The following BAHCC1 variants were observed in gnomAD, a reference collection of about 807,000 sequenced individuals.
The protein encoded by BAHCC1 is BAH domain and coiled-coil containing 1.
BAHCC1 carries 43 observed loss-of-function variants against 88.2 expected under a neutral mutation model. The observed-to-expected ratio is 0.49, with a 90% CI of 0.38 to 0.63. BAHCC1 has a LOEUF of 0.63. Ranked by LOEUF, BAHCC1 falls within the 20% of genes least tolerant of loss-of-function variation. The pLI is 0.00. For missense variants in BAHCC1, 3,023 were observed against 1,654.8 expected (o/e 1.83, Z -14.34); for synonymous variants, 1,510 against 745.5 (o/e 2.03, Z -16.71).
intron 3 of BAHCC1, 134 bp from the exon 4 acceptor site, chr17:81,438,236 C>T (rs147193536): frequency 3.6e-4 from 233 of 651,478 alleles, no homozygotes; most frequent in African/African-American, 3.5e-3. Context: ...GATTTCCCCC[C>T]GGCGGCTGCG....
intron 3 of BAHCC1, among the ~76,000 whole-genome samples, chr17:81,428,794 G>A (rs1053857132): frequency 2.0e-5 from 3 of 152,194 alleles, no homozygotes; most frequent in African/African-American, 7.2e-5. Context: ...ATCCCACCCC[G>A]GGGACCCCCA....
intron 2 of BAHCC1, among the ~76,000 whole-genome samples, chr17:81,405,480 C>T (rs1268427066): frequency 6.6e-6 from 1 of 152,114 alleles, no homozygotes; most frequent in Non-Finnish European, 1.5e-5. Context: ...TCTTCCTTGG[C>T]TGTTTCTTAA....
chr17:81,442,477 C>T lies in BAHCC1; in HGVS notation c.1128C>T (p.Leu376=), dbSNP rs782333862. Residue 376 remains leucine (L), a synonymous_variant, in exon 5 of 28, where the codon CTC becomes CTT. Coordinates refer to ENST00000675386, the MANE Select transcript of BAHCC1 (RefSeq NM_001377448.1). ...AGCTGCACGGGGGCCCTGACGGGCTCTGCCCGCTGCAGGACAAAGCCCCCC... is the reference window on the plus strand; with the variant it reads ...AGCTGCACGGGGGCCCTGACGGGCTTTGCCCGCTGCAGGACAAAGCCCCCC... ...CLQLHGGPDG[L]CPLQDKAPRD... The T allele has an allele frequency of 1.4e-6, 1 of 722,902 alleles. No homozygotes were observed. 44.8% of individuals were successfully genotyped at this position (722,902 alleles called of 1,614,324 possible). A position where few individuals can be genotyped will look rare whatever the true frequency, so the allele number is the denominator to read the frequency against.
chr17:81,436,317 GC>G (rs1162450576), intron 3 of BAHCC1, among the ~76,000 whole-genome samples: 1 of 152,192 alleles, frequency 6.6e-6, no homozygotes, highest in Non-Finnish European at 1.5e-5. Context: ...ACCCGCAGCT[GC>G]CCCCAGAGGG....
At chr17:81,441,454 A>G (rs2064413404) in intron 4 of BAHCC1, among the ~76,000 whole-genome samples, 1 of 152,166 alleles carries the variant, frequency 6.6e-6, no homozygotes, top group Non-Finnish European at 1.5e-5. Flanking sequence ...CGAGGTCAGG[A>G]GATCGAGACC....
chr17:81,401,032 CAG>C (rs1555645957), intron 2 of BAHCC1: 1 of 152,240 alleles, frequency 6.6e-6, no homozygotes, highest in Admixed American at 6.5e-5. Context: ...TTGGCAGTAA[CAG>C]TTATTATTGG....
chr17:81,439,807 G>C (rs2064386729), intron 4 of BAHCC1, among the ~76,000 whole-genome samples: 1 of 152,112 alleles, frequency 6.6e-6, no homozygotes, highest in African/African-American at 2.4e-5. Context: ...GTGAGCCTGT[G>C]CTCATGAGTG....
At chr17:81,455,198 A>T in intron 14 of BAHCC1, 69 bp from the exon 15 acceptor site, 1 of 686,596 alleles carries the variant, frequency 1.5e-6, no homozygotes, top group Non-Finnish European at 2.7e-6. Context: ...CACTACAGAG[A>T]CAGTAGGGGG....
chr17:81,446,828 C>G (rs1452668571), intron 10 of BAHCC1: 1 of 681,714 alleles, frequency 1.5e-6, no homozygotes, highest in African/African-American at 1.8e-5. Context: ...TTTGGGATTA[C>G]AGGTGTGAGC....
At chr17:81,401,396 CT>C (rs1271008179) in intron 2 of BAHCC1, 1 of 152,674 alleles carries the variant, frequency 6.5e-6, no homozygotes, top group African/African-American at 2.4e-5. Flanking sequence ...TTCTCCCTTT[CT>C]TTTTTCTCCT....
At chr17:81,417,271 C>T (rs968695715) in intron 2 of BAHCC1, among the ~76,000 whole-genome samples, 2 of 152,126 alleles carry the variant, frequency 1.3e-5, no homozygotes, top group Non-Finnish European at 2.9e-5. Context: ...CTGCGGGGGG[C>T]GGCGCCGAGG....
intron 2 of BAHCC1, among the ~76,000 whole-genome samples, chr17:81,404,096 C>T (rs1211565982): frequency 3.9e-5 from 6 of 152,230 alleles, no homozygotes; most frequent in African/African-American, 1.2e-4. Flanking sequence ...CTTCTCTCAT[C>T]TCCCTGTGAG....
intron 2 of BAHCC1, among the ~76,000 whole-genome samples, chr17:81,418,796 C>CGTGTGTGTGCGCGCAT (rs1555649107): frequency 6.9e-5 from 10 of 144,918 alleles, no homozygotes; most frequent in East Asian, 4.1e-4. Context: ...TACGTGTGTG[C>CGTGTGTGTGCGCGCAT]GTGTGTGTGT....
chr17:81,415,345 G>T (rs1323472628), intron 2 of BAHCC1: 1 of 324,942 alleles, frequency 3.1e-6, no homozygotes, highest in Admixed American at 4.5e-5. Flanking sequence ...GACCTTCGTT[G>T]TGAAGGAGGG....
rs1053866410 is a variant in BAHCC1, at chr17:81,398,577, T to C, written c.-206-957T>C. Among the ~76,000 whole-genome samples the C allele has an allele frequency of 2.0e-5, 3 of 150,506 alleles. No homozygotes were observed. In the East Asian group the frequency reaches 5.8e-4, roughly 29 times the overall value. ...GAAATCCCAGGGCCGATTTGGGCCG[T>C]TGAGAGAGAGCATTCTGACTCTGAA... On this transcript the variant is annotated intron_variant, in intron 1 of 27. Transcript: ENST00000675386.
Position 81,434,834 on chromosome 17 carries a change from G to A in BAHCC1, c.359-3536G>A, listed in dbSNP as rs1387554533. On this transcript the variant is annotated intron_variant, in intron 3 of 27. Coordinates refer to ENST00000675386, the MANE Select transcript of BAHCC1 (RefSeq NM_001377448.1). This position sits in a 1 kb window ranked among gnomAD's most constrained non-coding sequence, Gnocchi z 4.9. ...AGAGGGCAGGGCCTCGACGTGCGGGGCTGTTGGGAAAATGTGCTGTGTCAG... is the reference window on the plus strand; with the variant it reads ...AGAGGGCAGGGCCTCGACGTGCGGGACTGTTGGGAAAATGTGCTGTGTCAG... 6.6e-6 allele frequency among the ~76,000 whole-genome samples: 1 copy of A among 152,116 alleles called. No homozygotes were observed. The highest frequency in any genetic ancestry group is 2.4e-5 in the African/African-American group (1 of 41,406).
chr17:81,432,753 A>G (rs1252880666), intron 3 of BAHCC1, among the ~76,000 whole-genome samples: 1 of 9,770 alleles, frequency 1.0e-4, no homozygotes, highest in African/African-American at 7.5e-4. Context: ...CCCGAGCCCC[A>G]GACCCACCCT....
chr17:81,427,411 A>G (rs1184401963), intron 3 of BAHCC1, among the ~76,000 whole-genome samples: 4 of 152,106 alleles, frequency 2.6e-5, no homozygotes, highest in Non-Finnish European at 5.9e-5. Context: ...CAGCGCACAC[A>G]GGCTGCCACC....
chr17:81,459,611 T>A lies in BAHCC1; in HGVS notation c.5905+7T>A, dbSNP rs782441201. 9.0e-6 allele frequency: 7 copies of A among 779,526 alleles called. No individual in the cohort carries two copies. Among genetic ancestry groups the A allele is most frequent in the South Asian group, 8.0e-5 (6 of 74,620 alleles). The allele number at this position is 779,526 out of a possible 1,614,324, so 48.3% of individuals were successfully genotyped here. A position where few individuals can be genotyped will look rare whatever the true frequency, so the allele number is the denominator to read the frequency against. On this transcript the variant is annotated splice_region_variant and intron_variant, in intron 23 of 27. Coordinates refer to ENST00000675386, the MANE Select transcript of BAHCC1 (RefSeq NM_001377448.1). Reference sequence around the variant, plus strand: ...CCGGGCAACGTGGTCCGGGGTAAGTTGCACCCAAAGCGGGGGCTGGGGCAG... The same window carrying A: ...CCGGGCAACGTGGTCCGGGGTAAGTAGCACCCAAAGCGGGGGCTGGGGCAG...
Sources: allele counts gnomAD v4.1 joint callset (sites outside exome capture counted in the v4.1 genomes callset), GRCh38; gene constraint gnomAD v4.1.1; non-coding constraint Gnocchi (gnomAD v3.1); transcripts MANE v1.5; gene names NCBI Gene and HGNC (gene_info 2026-07-23, HGNC 2026-07-21).